Variants in RNF220 observed in about 807,000 individuals in gnomAD.
RNF220 encodes E3 ubiquitin-protein ligase RNF220.
RNF220 carries 7 observed loss-of-function variants against 67.1 expected under a neutral mutation model. That is an observed-to-expected ratio of 0.10 (90% CI 0.06 to 0.20). The LOEUF (loss-of-function observed/expected upper bound fraction) is 0.20. RNF220 is among the 10% of genes least tolerant of loss of function. RNF220 has a pLI of 1.00. For missense variants in RNF220, 565 were observed against 740.3 expected, an observed-to-expected ratio of 0.76 and a Z score of 2.75; for synonymous variants, 270 against 283.2, an observed-to-expected ratio of 0.95 and a Z score of 0.47.
intron 2 of RNF220, among the ~76,000 whole-genome samples, chr1:44,518,212 G>A (rs1659609104): frequency 6.6e-6 from 1 of 151,710 alleles, no homozygotes; most frequent in South Asian, 2.1e-4. Flanking sequence ...GATTGCTTCA[G>A]GCCAGGAGTT....
intron 2 of RNF220, among the ~76,000 whole-genome samples, chr1:44,431,867 A>G (rs1158392822): frequency 6.6e-6 from 1 of 152,230 alleles, no homozygotes; most frequent in East Asian, 1.9e-4. Context: ...CTAAGGCCAA[A>G]TATAAGGCAT....
In RNF220 at chr1:44,451,861, C is replaced by T. The variant is rs1005463815; in HGVS notation, c.625+39139C>T. On this transcript the variant is annotated intron_variant, in intron 2 of 14. Coordinates refer to ENST00000361799, the MANE Select transcript of RNF220 (RefSeq NM_018150.4). ...GTCTCAAACTCCTGACCTCGTTATC[C>T]GCCCACCTGGGCCTCCCAAAGTGCT... is the stretch of plus-strand genomic sequence containing the variant. Among the ~76,000 whole-genome samples the T allele has an allele frequency of 9.9e-5, 15 of 152,264 alleles. 1 individual carries two copies. The South Asian group carries it at 1.5e-3, about 15-fold the overall frequency.
rs376985737 is a variant in RNF220, at chr1:44,646,593, G to A, written c.1445+1105G>A. ...GGGGTTGTAAGGGGCACCCACCCTC[G>A]TCTGGAGGGGCTGCTCATAAATCAG... On this transcript the variant is annotated intron_variant, in intron 12 of 14. Coordinates refer to ENST00000361799, the MANE Select transcript of RNF220 (RefSeq NM_018150.4). 2.5e-4 allele frequency among the ~76,000 whole-genome samples: 38 copies of A among 152,322 alleles called. No homozygotes were observed. In the East Asian group the frequency reaches 5.8e-3, roughly 23 times the overall value.
At chr1:44,534,482 A>T (rs1661056017) in intron 2 of RNF220, among the ~76,000 whole-genome samples, 1 of 152,092 alleles carries the variant, frequency 6.6e-6, no homozygotes, top group Non-Finnish European at 1.5e-5. Flanking sequence ...TTCTCCCTGA[A>T]CTTGATTCTT....
chr1:44,490,530 G>A (rs72895533), intron 2 of RNF220, among the ~76,000 whole-genome samples: 1 of 150,600 alleles, frequency 6.6e-6, no homozygotes, highest in Admixed American at 6.6e-5. Flanking sequence ...AATAGAAATT[G>A]GTACCTTTAA....
chr1:44,568,773 T>C (rs752767280), intron 2 of RNF220, among the ~76,000 whole-genome samples: 1 of 152,170 alleles, frequency 6.6e-6, no homozygotes, highest in Non-Finnish European at 1.5e-5. Context: ...CACCAACATG[T>C]TGTGTAGCTT....
At chr1:44,537,369 G>C (rs1421634749) in intron 2 of RNF220, among the ~76,000 whole-genome samples, 1 of 152,006 alleles carries the variant, frequency 6.6e-6, no homozygotes, top group East Asian at 1.9e-4. Flanking sequence ...CTTTTTCTGT[G>C]GTTCTTAATG....
At chr1:44,601,324 TGAGAAGAGAAG>T (rs765722868) in intron 2 of RNF220, among the ~76,000 whole-genome samples, 20 of 151,798 alleles carry the variant, frequency 1.3e-4, no homozygotes, top group Non-Finnish European at 2.5e-4. Flanking sequence ...GCATCTTAGG[TGAGAAGAGAAG>T]GAGAAGAAAA....
At position 44,552,563 on chromosome 1, in the gene RNF220, C is replaced by CTTTTTTTTTTT. The variant is rs368891059; in HGVS notation, c.626-61600_626-61599insTTTTTTTTTTT. Reference sequence around the variant, plus strand: ...AATGGCTCCCTGCTATTCTAAACTTCTTCTTTTTTTTTTTTTTTTTTTTTT... The same window carrying CTTTTTTTTTTT: ...AATGGCTCCCTGCTATTCTAAACTTCTTTTTTTTTTTTTCTTTTTTTTTTTTTTTTTTTTTT... On this transcript the variant is annotated intron_variant, in intron 2 of 14. Transcript: ENST00000361799. 1.1e-4 allele frequency among the ~76,000 whole-genome samples: 8 copies of CTTTTTTTTTTT among 71,330 alleles called. 1 individual carries two copies. The highest frequency in any genetic ancestry group is 2.1e-4 in the Non-Finnish European group (8 of 38,060). The allele number at this position is 71,330 out of a possible 152,430, so 46.8% of individuals were successfully genotyped here.
At chr1:44,413,015 T>C (rs1278339997) in intron 2 of RNF220, among the ~76,000 whole-genome samples, 1 of 152,206 alleles carries the variant, frequency 6.6e-6, no homozygotes, top group African/African-American at 2.4e-5. Context: ...GCCACCGACG[T>C]ACTGAAGTGA....
intron 2 of RNF220, among the ~76,000 whole-genome samples, chr1:44,485,229 T>C (rs1463446044): frequency 1.3e-5 from 2 of 152,212 alleles, no homozygotes; most frequent in Non-Finnish European, 2.9e-5. Flanking sequence ...CCTGAAGAGA[T>C]GCAAACAGCA....
At chr1:44,499,670 C>T (rs890634276) in intron 2 of RNF220, among the ~76,000 whole-genome samples, 1 of 150,786 alleles carries the variant, frequency 6.6e-6, no homozygotes, top group Non-Finnish European at 1.5e-5. Context: ...GGCTTCATAC[C>T]AGCTCCATGG....
rs1572546355 is a variant in RNF220 at position 44,452,271 on chromosome 1, C to T, written c.625+39549C>T. ...GAATTTTTAAAAAACCTTATGAGGC[C>T]AGCTGGGTGCGGTGGCTCACGCCTG... On this transcript the variant is annotated intron_variant, in intron 2 of 14. Coordinates refer to ENST00000361799, the MANE Select transcript of RNF220 (RefSeq NM_018150.4). Among the ~76,000 whole-genome samples, 6 of 152,152 alleles carry T rather than the reference C, an allele frequency of 3.9e-5. No homozygotes were observed. The Middle Eastern group carries it at 0.014, about 345-fold the overall frequency.
At chr1:44,637,131 G>A (rs577646642) in intron 8 of RNF220, among the ~76,000 whole-genome samples, 66 of 152,336 alleles carry the variant, frequency 4.3e-4, no homozygotes, top group Admixed American at 2.6e-3. Context: ...ACAGCAGCTG[G>A]GAAGAAGTTC....
chr1:44,502,488 T>C (rs1271783553), intron 2 of RNF220, among the ~76,000 whole-genome samples: 1 of 150,592 alleles, frequency 6.6e-6, no homozygotes, highest in Non-Finnish European at 1.5e-5. Context: ...GTATTAGGCC[T>C]CATCTTCCTG....
At chr1:44,427,029 C>T (rs1320036474) in intron 2 of RNF220, among the ~76,000 whole-genome samples, 4 of 152,172 alleles carry the variant, frequency 2.6e-5, no homozygotes, top group East Asian at 3.8e-4. Flanking sequence ...ATAGCTGACA[C>T]TTCAAGCACT....
At chr1:44,635,802 C>G (rs1252569067) in intron 7 of RNF220, 1 of 1,320,550 alleles carries the variant, frequency 7.6e-7, no homozygotes, top group African/African-American at 1.5e-5. Flanking sequence ...CCACTGCTCT[C>G]TCCTTTTGCT....
At chr1:44,607,724 C>T (rs998028224) in intron 2 of RNF220, among the ~76,000 whole-genome samples, 2 of 151,888 alleles carry the variant, frequency 1.3e-5, no homozygotes, top group Non-Finnish European at 1.5e-5. Flanking sequence ...CTCCTGACCT[C>T]GTGATCCGCC....
Position 44,427,531 on chromosome 1 carries a change from C to T in RNF220, c.625+14809C>T, listed in dbSNP as rs77301075. Among the ~76,000 whole-genome samples, 784 of 152,252 alleles carry T rather than the reference C, an allele frequency of 5.1e-3. 45 individuals carry two copies. The East Asian group carries it at 0.14, about 27-fold the overall frequency. On this transcript the variant is annotated intron_variant, in intron 2 of 14. Transcript: ENST00000361799. ...AGATCTCTGTTCCTAGTACCCAGTG[C>T]GTTGCCTGGAACTTACTAGTTATGA...
Sources: allele counts gnomAD v4.1 joint callset (sites outside exome capture counted in the v4.1 genomes callset), GRCh38; gene constraint gnomAD v4.1.1; transcripts MANE v1.5; gene names NCBI Gene and HGNC (gene_info 2026-07-23, HGNC 2026-07-21).